Variants in TTLL5 observed in about 807,000 individuals in gnomAD.
TTLL5 encodes the protein tubulin tyrosine ligase like 5, also known as tubulin polyglutamylase TTLL5.
Under a neutral mutation model 168.4 loss-of-function variants are expected in TTLL5, and 132 were observed. The ratio of observed to expected loss-of-function variants is 0.78; its 90% CI spans 0.68 to 0.91. TTLL5 has a LOEUF of 0.91. Among genes scored for constraint, TTLL5 ranks in the 40% least tolerant of loss-of-function variants. The pLI, the probability that TTLL5 is intolerant of heterozygous loss-of-function variation, is 0.00. For synonymous variants in TTLL5, 546 were observed against 558.6 expected, an observed-to-expected ratio of 0.98 and a Z score of 0.32; for missense variants, 1,545 against 1,581.5, an observed-to-expected ratio of 0.98 and a Z score of 0.39.
At chr14:75,759,067 T>C (rs1274495346) in intron 18 of TTLL5, among the ~76,000 whole-genome samples, 1 of 152,102 alleles carries the variant, frequency 6.6e-6, no homozygotes, top group African/African-American at 2.4e-5. Context: ...ATCCAAAGTG[T>C]GTTCATTGAT....
In TTLL5 at chr14:75,874,933, C is replaced by CCTTTTTTT. The variant is rs778792332; in HGVS notation, c.3523-7752_3523-7751insCTTTTTTT. ...AGAGAAAAAAAAAGACACTGGGGGC[C>CCTTTTTTT]TTTTTTTTTTTTTTTTTTGAGACGG... On this transcript the variant is annotated intron_variant, in intron 29 of 31. Transcript: ENST00000298832. Among the ~76,000 whole-genome samples the CCTTTTTTT allele has an allele frequency of 1.5e-3, 147 of 97,524 alleles. 36 individuals carry two copies. The highest frequency in any genetic ancestry group is 3.5e-3 in the African/African-American group (71 of 20,364). 64.0% of individuals were successfully genotyped at this position (97,524 alleles called of 152,430 possible). A position where few individuals can be genotyped will look rare whatever the true frequency, so the allele number is the denominator to read the frequency against.
intron 7 of TTLL5, among the ~76,000 whole-genome samples, chr14:75,703,043 C>T (rs988172268): frequency 1.3e-5 from 2 of 152,186 alleles, no homozygotes; most frequent in African/African-American, 4.8e-5. Context: ...ATGCCTGGAT[C>T]CTTTCCCATG....
intron 31 of TTLL5, among the ~76,000 whole-genome samples, chr14:75,910,392 G>A (rs151103916): frequency 2.0e-5 from 3 of 152,156 alleles, no homozygotes; most frequent in East Asian, 1.9e-4. Context: ...GACAGAAGAC[G>A]ATCTAGTCTA....
At chr14:75,941,367 A>C (rs147470519) in intron 31 of TTLL5, 1 of 152,328 alleles carries the variant, frequency 6.6e-6, no homozygotes, top group East Asian at 1.9e-4. Flanking sequence ...CGTTTCTACT[A>C]ATGTCACTCA....
At chr14:75,925,898 A>G (rs2034038677) in intron 31 of TTLL5, among the ~76,000 whole-genome samples, 2 of 151,888 alleles carry the variant, frequency 1.3e-5, no homozygotes. Flanking sequence ...AAAAGTACGA[A>G]AACCAGTCAG....
intron 28 of TTLL5, among the ~76,000 whole-genome samples, chr14:75,841,524 C>G (rs1896244799): frequency 6.6e-6 from 1 of 152,110 alleles, no homozygotes; most frequent in Non-Finnish European, 1.5e-5. Flanking sequence ...GTCATCTGGT[C>G]TGACTTTCTG....
chr14:75,910,940 A>G (rs905386267), intron 31 of TTLL5, among the ~76,000 whole-genome samples: 1 of 152,174 alleles, frequency 6.6e-6, no homozygotes, highest in South Asian at 2.1e-4. Flanking sequence ...AGTTTGCACC[A>G]TAGATGTCAA....
At position 75,945,259 on chromosome 14, in the gene TTLL5, A is replaced by T. The variant is rs549876253; in HGVS notation, c.3824-9165A>T. 1.1e-4 allele frequency among the ~76,000 whole-genome samples: 16 copies of T among 147,384 alleles called. No homozygotes were observed. In the East Asian group the frequency reaches 2.4e-3, roughly 22 times the overall value. On this transcript the variant is annotated intron_variant, in intron 31 of 31. Coordinates refer to ENST00000298832, the MANE Select transcript of TTLL5 (RefSeq NM_015072.5). Reference sequence around the variant, plus strand: ...ATTTTTTATAATATATATTATATATAAAAAAAAATTTTTTTTGAGACGGAG... The same window carrying T: ...ATTTTTTATAATATATATTATATATTAAAAAAAATTTTTTTTGAGACGGAG...
At chr14:75,747,117 CT>C (rs963268764) in intron 17 of TTLL5, among the ~76,000 whole-genome samples, 14 of 151,258 alleles carry the variant, frequency 9.3e-5, no homozygotes, top group Admixed American at 5.9e-4. Flanking sequence ...TTTTTTCAGA[CT>C]TTTTTTTTCT....
At chr14:75,669,312 A>C (rs1883533944) in intron 2 of TTLL5, 104 bp from the exon 3 acceptor site, 4 of 1,036,990 alleles carry the variant, frequency 3.9e-6, no homozygotes, top group Non-Finnish European at 5.7e-6. Context: ...TTTGTATTCC[A>C]GAAGGAAGGG....
At chr14:75,850,025 G>A (rs1479377397) in intron 28 of TTLL5, among the ~76,000 whole-genome samples, 2 of 151,924 alleles carry the variant, frequency 1.3e-5, no homozygotes, top group African/African-American at 4.8e-5. Context: ...AGGATTGCTT[G>A]AGCCCAGGAG....
At chr14:75,696,208 T>C (rs1222166399) in intron 6 of TTLL5, among the ~76,000 whole-genome samples, 1 of 152,126 alleles carries the variant, frequency 6.6e-6, no homozygotes, top group Non-Finnish European at 1.5e-5. Flanking sequence ...GTCGTTTCCT[T>C]AGACATTTCT....
At position 75,805,633 on chromosome 14, in the gene TTLL5, A is replaced by G. The variant is rs1189448958; in HGVS notation, c.3171+12533A>G. 5.3e-5 allele frequency among the ~76,000 whole-genome samples: 8 copies of G among 152,308 alleles called. No individual in the cohort carries two copies. In the East Asian group the frequency reaches 7.7e-4, roughly 15 times the overall value. ...ACATTTCCACCTGTGAGACATTTCT[A>G]CCTAACTATATTGCAGAACATTCAA... On this transcript the variant is annotated intron_variant, in intron 27 of 31. Transcript: ENST00000298832.
At chr14:75,862,786 A>G (rs1355436843) in intron 28 of TTLL5, among the ~76,000 whole-genome samples, 1 of 152,060 alleles carries the variant, frequency 6.6e-6, no homozygotes, top group Non-Finnish European at 1.5e-5. Flanking sequence ...TACAAAAAAA[A>G]TATATAAAAA....
intron 9 of TTLL5, chr14:75,709,778 G>T: frequency 7.1e-6 from 1 of 141,812 alleles, no homozygotes; most frequent in Non-Finnish European, 1.5e-5. Context: ...GATTGCCTGA[G>T]GCCAGGAGTT....
At chr14:75,741,842 G>A (rs943178400) in intron 15 of TTLL5, among the ~76,000 whole-genome samples, 2 of 152,180 alleles carry the variant, frequency 1.3e-5, no homozygotes, top group Non-Finnish European at 2.9e-5. Flanking sequence ...GGTTGTGAAT[G>A]TATATGGGAG....
At chr14:75,794,894 C>A (rs186849267) in intron 27 of TTLL5, among the ~76,000 whole-genome samples, 3 of 152,132 alleles carry the variant, frequency 2.0e-5, no homozygotes, top group Admixed American at 2.0e-4. Flanking sequence ...TTTGGCAGTT[C>A]ATGCCACTGT....
At chr14:75,681,879 G>A (rs925394190) in intron 4 of TTLL5, among the ~76,000 whole-genome samples, 6 of 151,966 alleles carry the variant, frequency 3.9e-5, no homozygotes, top group African/African-American at 9.7e-5. Context: ...TAGGGGCACC[G>A]TTGCCCATAA....
chr14:75,779,163 C>A (rs2360034), intron 23 of TTLL5, among the ~76,000 whole-genome samples: 4 of 152,104 alleles, frequency 2.6e-5, no homozygotes, highest in African/African-American at 9.7e-5. Context: ...AAAAACAAGT[C>A]GCTGGTCAGG....
Sources: allele counts gnomAD v4.1 joint callset (sites outside exome capture counted in the v4.1 genomes callset), GRCh38; gene constraint gnomAD v4.1.1; transcripts MANE v1.5; gene names NCBI Gene and HGNC (gene_info 2026-07-23, HGNC 2026-07-21).